Variants in CLSPN observed in about 807,000 individuals in gnomAD.
The protein encoded by CLSPN is claspin homolog.
CLSPN carries 85 observed loss-of-function variants against 156.3 expected under a neutral mutation model. The observed-to-expected ratio is 0.54, with a 90% confidence interval of 0.46 to 0.65. The LOEUF (loss-of-function observed/expected upper bound fraction) is 0.65. Among genes scored for constraint, CLSPN ranks in the 30% least tolerant of loss-of-function variants. The probability of loss-of-function intolerance (pLI) is 0.00; values close to 1 mark genes in which losing one functional copy is unlikely to be tolerated. For synonymous variants in CLSPN, 534 were observed against 542.4 expected (o/e 0.98, Z 0.22); for missense variants, 1,407 against 1,554.9 (o/e 0.90, Z 1.60).
At chr1:35,722,635 C>CT (rs370914988) in intron 24 of CLSPN, among the ~76,000 whole-genome samples, 58 of 149,204 alleles carry the variant, frequency 3.9e-4, no homozygotes, top group Non-Finnish European at 6.3e-4. Flanking sequence ...CTCTCTCTTT[C>CT]TTTTTTTTTT....
rs1641378313 is a variant in CLSPN at position 35,733,725 on chromosome 1, C to A, written c.*2771G>T. 4 of 983,596 alleles carry A rather than the reference C, an allele frequency of 4.1e-6. No homozygotes were observed. In the South Asian group the frequency reaches 1.4e-4, roughly 35 times the overall value. 60.9% of individuals were successfully genotyped at this position (983,596 alleles called of 1,614,324 possible). A position where few individuals can be genotyped will look rare whatever the true frequency, so the allele number is the denominator to read the frequency against. On this transcript the variant is annotated 3_prime_UTR_variant, in exon 25 of 25. Coordinates refer to ENST00000318121, the MANE Select transcript of CLSPN (RefSeq NM_022111.4). ...TGGGCATGGTGGCTGAGCCTGTGAC[C>A]CCAGCATTTTGGGAGGCCAAGGTGG...
At chr1:35,754,021 T>A (rs1466440433) in intron 8 of CLSPN, 85 bp from the exon 9 acceptor site, 1 of 1,237,964 alleles carries the variant, frequency 8.1e-7, no homozygotes, top group Non-Finnish European at 1.1e-6. Context: ...TTTTTTTAGC[T>A]CAACAATTAT....
chr1:35,745,658 A>C, intron 15 of CLSPN, 96 bp from the exon 16 acceptor site: 1 of 825,078 alleles, frequency 1.2e-6, no homozygotes, highest in Non-Finnish European at 2.0e-6. Flanking sequence ...ATACAGTTCT[A>C]AGGTAAGCTT....
rs765869017 is a variant in CLSPN at position 35,746,871 on chromosome 1, C to T, written c.2749G>A (p.Gly917Arg). ...TTTTCAGCCTGAGATGTGAACTTTC[C>T]AGTACACAAATCCAACAGCTCATCC... ...NMDELLDLCT[G>R]KFTSQAEKHL... The change falls in exon 15 of 25, where the codon GGA becomes AGA. Residue 917 changes from glycine to arginine, a missense_variant. Transcript: ENST00000318121. This position sits in a 1 kb window ranked among gnomAD's most constrained non-coding sequence, Gnocchi z 4.2. 2.2e-5 allele frequency: 35 copies of T among 1,613,184 alleles called. No individual in the cohort carries two copies. In the South Asian group the frequency reaches 2.6e-4, roughly 12 times the overall value.
intron 1 of CLSPN, 112 bp downstream of exon 1, chr1:35,769,735 C>T (rs1642802119): frequency 3.8e-6 from 4 of 1,042,756 alleles, no homozygotes; most frequent in Non-Finnish European, 5.3e-6. Flanking sequence ...ACGCCGGGAG[C>T]CGCAGTCCTC....
intron 8 of CLSPN, among the ~76,000 whole-genome samples, chr1:35,759,186 C>T (rs2148624391): frequency 6.6e-6 from 1 of 152,278 alleles, no homozygotes; most frequent in East Asian, 1.9e-4. Context: ...ATACAAGTGC[C>T]TACAATGTGT....
At position 35,769,938 on chromosome 1, in the gene CLSPN, G is replaced by A. The variant is rs372789882; in HGVS notation, c.-68C>T. ...CTGATTCCCTCAGCCGGAGAGCAGC[G>A]GCTCCCGCCGTCTCCAGCCCAGCAG... On this transcript the variant is annotated 5_prime_UTR_variant, in exon 1 of 25. Transcript: ENST00000318121. 4.1e-3 allele frequency: 6,489 copies of A among 1,576,678 alleles called. 19 individuals are homozygous for A. The highest frequency in any genetic ancestry group is 7.4e-3 in the Middle Eastern group (44 of 5,956).
At chr1:35,737,808 C>A in intron 22 of CLSPN, 184 bp downstream of exon 22, 1 of 438,366 alleles carries the variant, frequency 2.3e-6, no homozygotes. Context: ...AATACAGTCT[C>A]TACTGCCCAA....
chr1:35,746,225 G>T lies in CLSPN; in HGVS notation c.2854+541C>A, dbSNP rs1399434680. Among the ~76,000 whole-genome samples the T allele has an allele frequency of 1.3e-5, 2 of 152,124 alleles. No homozygotes were observed. The highest frequency in any genetic ancestry group is 3.9e-4 in the East Asian group (2 of 5,180). On this transcript the variant is annotated intron_variant, in intron 15 of 24. Coordinates refer to ENST00000318121, the MANE Select transcript of CLSPN (RefSeq NM_022111.4). This position sits in a 1 kb window ranked among gnomAD's most constrained non-coding sequence, Gnocchi z 4.2. ...CTCCCAAAGTGCTGGGATTACAGGCGTGAGCCACTGCGCCCGGCCTAAAGT... is the reference window on the plus strand; with the variant it reads ...CTCCCAAAGTGCTGGGATTACAGGCTTGAGCCACTGCGCCCGGCCTAAAGT...
downstream of CLSPN, among the ~76,000 whole-genome samples, chr1:35,728,481 A>G (rs1641243827): frequency 6.6e-6 from 1 of 152,186 alleles, no homozygotes; most frequent in Admixed American, 6.5e-5. Context: ...TAGTCAATGG[A>G]GAGACAGCCC....
rs190335988 is a variant in CLSPN at position 35,725,403 on chromosome 1, C to T, written c.3910-4423G>A. 4.9e-3 allele frequency among the ~76,000 whole-genome samples: 752 copies of T among 152,288 alleles called. 8 individuals are homozygous for T. The highest frequency in any genetic ancestry group is 8.9e-3 in the South Asian group (43 of 4,828). ...GCTCTTGATCATCCAGTGCCCACAA[C>T]AGAGGGAGTAAGCTAGACGGAGAAG... is the stretch of plus-strand genomic sequence containing the variant. On this transcript the variant is annotated intron_variant, in intron 24 of 24. Coordinates refer to the CLSPN transcript ENST00000251195.
chr1:35,739,129 A>G lies in CLSPN; in HGVS notation c.3430+7T>C. On this transcript the variant is annotated splice_region_variant and intron_variant, in intron 20 of 24. Coordinates refer to ENST00000318121, the MANE Select transcript of CLSPN (RefSeq NM_022111.4). ...CTGATTGCTTTTAAAGACAACAACC[A>G]AGATACCTATGTTTTTCCATCGAAA... 1 of 1,614,118 alleles carries G rather than the reference A, an allele frequency of 6.2e-7. No homozygotes were observed. The highest frequency in any genetic ancestry group is 8.5e-7 in the Non-Finnish European group (1 of 1,180,024).
chr1:35,749,295 C>T (rs1004383297), intron 12 of CLSPN, among the ~76,000 whole-genome samples, 172 bp downstream of exon 12: 61 of 152,068 alleles, frequency 4.0e-4, no homozygotes, highest in African/African-American at 1.4e-3. Context: ...AAATAAACTG[C>T]AAAAAATAGA....
chr1:35,748,820 C>CTTTTTTTTTTTTTT (rs201350754), intron 12 of CLSPN: 1 of 245,114 alleles, frequency 4.1e-6, no homozygotes, highest in Non-Finnish European at 7.9e-6. Flanking sequence ...CTTGAAAGTT[C>CTTTTTTTTTTTTTT]TTTTTTTTTT....
chr1:35,727,487 A>G (rs916357957), downstream of CLSPN, among the ~76,000 whole-genome samples: 6 of 152,232 alleles, frequency 3.9e-5, no homozygotes, highest in Non-Finnish European at 7.3e-5. Flanking sequence ...CTAGGCCAAC[A>G]AGGCCTTCAT....
At position 35,764,656 on chromosome 1, in the gene CLSPN, G is replaced by A; in HGVS notation, c.192C>T (p.Asp64=). Residue 64 remains aspartate, a synonymous_variant, in exon 3 of 25, where the codon GAC becomes GAT. Coordinates refer to ENST00000318121, the MANE Select transcript of CLSPN (RefSeq NM_022111.4). ...TTGTGTCCTCTGTTTCGGAATCACT[G>A]TCTTGTAGAACCTTCCTGTTTTTCA... ...KKLKNRKVLQ[D]SDSETEDTNA... is the part of the protein sequence containing the mutation. 2.5e-6 allele frequency: 4 copies of A among 1,609,608 alleles called. No homozygotes were observed. The highest frequency in any genetic ancestry group is 1.1e-5 in the South Asian group (1 of 89,432).
At chr1:35,744,962 C>T (rs192965103) in intron 16 of CLSPN, among the ~76,000 whole-genome samples, 45 of 151,638 alleles carry the variant, frequency 3.0e-4, no homozygotes, top group Middle Eastern at 6.9e-3. Context: ...TACAGGCATG[C>T]GCCACCATGC....
At chr1:35,757,379 A>G (rs1642308436) in intron 8 of CLSPN, among the ~76,000 whole-genome samples, 1 of 152,350 alleles carries the variant, frequency 6.6e-6, no homozygotes, top group East Asian at 1.9e-4. Flanking sequence ...TTCTAACTTC[A>G]TGTATATTAT....
At chr1:35,766,987 T>TCCG (rs1307148355) in intron 1 of CLSPN, among the ~76,000 whole-genome samples, 1 of 152,126 alleles carries the variant, frequency 6.6e-6, no homozygotes, top group Non-Finnish European at 1.5e-5. Context: ...CCTCAGGTGA[T>TCCG]CCGCCTGCCT....
Sources: gnomAD v4.1 joint callset for allele counts (sites outside exome capture counted in the v4.1 genomes callset) on GRCh38, gnomAD v4.1.1 for gene constraint, Gnocchi (gnomAD v3.1) non-coding constraint, MANE v1.5 for transcripts, NCBI Gene and HGNC (gene_info 2026-07-23, HGNC 2026-07-21) for gene names.